The following NQO2 variants were observed in gnomAD, a reference collection of about 807,000 sequenced individuals.
NQO2 encodes ribosyldihydronicotinamide dehydrogenase [quinone].
NQO2 carries 18 observed loss-of-function variants against 22.0 expected under a neutral mutation model. The observed-to-expected ratio is 0.82, with a 90% confidence interval of 0.56 to 1.21. The LOEUF (loss-of-function observed/expected upper bound fraction) is 1.21, where lower values mean the gene tolerates loss of function less well. Ranked by LOEUF, NQO2 falls within the 50% of genes most tolerant of loss-of-function variation. The pLI is 0.00. For missense variants in NQO2, 267 were observed against 286.9 expected (o/e 0.93, Z 0.50); for synonymous variants, 106 against 110.8 (o/e 0.96, Z 0.28).
chr6:3,010,039 A>G lies in NQO2; in HGVS notation c.22A>G (p.Ile8Val). The change falls in exon 3 of 7, where the codon ATT becomes GTT. Residue 8 changes from isoleucine (I) to valine (V), a missense_variant. Coordinates refer to ENST00000380455, the MANE Select transcript of NQO2 (RefSeq NM_000904.6). ...TCCTGATTTAGGTAAGAAAGTACTC[A>G]TTGTCTATGCACACCAGGAACCCAA... MAGKKVL[I>V]VYAHQEPKSF... The G allele has an allele frequency of 6.2e-7, 1 of 1,612,622 alleles. No homozygotes were observed. Among genetic ancestry groups the G allele is most frequent in the South Asian group, 1.1e-5 (1 of 90,908 alleles).
chr6:3,015,378 C>T, intron 4 of NQO2, 152 bp from the exon 5 acceptor site: 1 of 1,462,104 alleles, frequency 6.8e-7, no homozygotes, highest in Non-Finnish European at 9.0e-7. Flanking sequence ...CACACTGCAC[C>T]TTTCAGAGCT....
At chr6:3,017,502 C>G (rs1383719120) in intron 6 of NQO2, among the ~76,000 whole-genome samples, 1 of 152,228 alleles carries the variant, frequency 6.6e-6, no homozygotes, top group African/African-American at 2.4e-5. Context: ...CCTATGGAGC[C>G]AGCACACACC....
At chr6:3,016,664 A>C in intron 5 of NQO2, 600 of 758,914 alleles carry the variant, frequency 7.9e-4, no homozygotes, top group South Asian at 1.0e-3. Flanking sequence ...TGGGCATGTT[A>C]GAGCTTCTGT....
intron 1 of NQO2, chr6:3,002,298 C>A: frequency 1.1e-6 from 1 of 889,560 alleles, no homozygotes. Context: ...TAAATCATTT[C>A]ATATCACTCT....
chr6:3,015,743 A>T lies in NQO2; in HGVS notation c.417+100A>T, dbSNP rs906160041. 15 of 1,177,396 alleles carry T rather than the reference A, an allele frequency of 1.3e-5. No individual in the cohort carries two copies. The African/African-American group carries it at 2.1e-4, about 17-fold the overall frequency. The allele number at this position is 1,177,396 out of a possible 1,614,324, so 72.9% of individuals were successfully genotyped here. A position where few individuals can be genotyped will look rare whatever the true frequency, so the allele number is the denominator to read the frequency against. Reference sequence around the variant, plus strand: ...TATTTCTAGTTTCCTTCCTTTTCTTAGCAAATATCGATTGAGCACCCACTA... The same window carrying T: ...TATTTCTAGTTTCCTTCCTTTTCTTTGCAAATATCGATTGAGCACCCACTA... On this transcript the variant is annotated intron_variant, in intron 5 of 6. Transcript: ENST00000380455.
At position 3,004,373 on chromosome 6, in the gene NQO2, G is replaced by A. The variant is rs1483331076; in HGVS notation, c.-85-2095G>A. ...GATTTGAAGTCACCTTTGGGTGTTT[G>A]GAGTGATCAGAGCTGTCTGCCCTCT... On this transcript the variant is annotated intron_variant, in intron 1 of 6. Transcript: ENST00000380455. 2 of 984,582 alleles carry A rather than the reference G, an allele frequency of 2.0e-6. 1 individual carries two copies. The highest frequency in any genetic ancestry group is 9.4e-5 in the South Asian group (2 of 21,296). 61.0% of individuals were successfully genotyped at this position (984,582 alleles called of 1,614,324 possible). A position where few individuals can be genotyped will look rare whatever the true frequency, so the allele number is the denominator to read the frequency against.
In NQO2 at chr6:3,006,571, C is replaced by G; in HGVS notation, c.7+12C>G. ...TTACGCTATGGCAGGTAATGATTCA[C>G]TATTGTGGAGTAAGACTTTTTTTTT... On this transcript the variant is annotated intron_variant, in intron 2 of 6. Transcript: ENST00000380455. The surrounding 1 kb of genome is among the most constrained non-coding windows in gnomAD (Gnocchi z 4.0). 2 of 1,593,640 alleles carry G rather than the reference C, an allele frequency of 1.3e-6. No homozygotes were observed. The highest frequency in any genetic ancestry group is 1.7e-6 in the Non-Finnish European group (2 of 1,171,870).
intron 5 of NQO2, 61 bp downstream of exon 5, chr6:3,015,704 C>T: frequency 6.8e-7 from 1 of 1,466,756 alleles, no homozygotes. Flanking sequence ...GAGGATGCGT[C>T]TTCTATCAAG....
chr6:3,001,242 A>C (rs2113424261), intron 1 of NQO2, among the ~76,000 whole-genome samples: 1 of 152,084 alleles, frequency 6.6e-6, no homozygotes, highest in African/African-American at 2.4e-5. Context: ...GGTGCGTGCC[A>C]CTACACCCAG....
At position 2,999,941 on chromosome 6, in the gene NQO2, G is replaced by A. The variant is rs1470004745; in HGVS notation, c.-230G>A. ...TGGCACCGGTCCGTGGTCCCCGGGG[G>A]CGCAGTCGCAGCGCTCCCGCCCTCC... On this transcript the variant is annotated 5_prime_UTR_variant, in exon 1 of 7. Transcript: ENST00000380455. 1 of 152,392 alleles carries A rather than the reference G, an allele frequency of 6.6e-6. No individual in the cohort carries two copies. The highest frequency in any genetic ancestry group is 1.5e-5 in the Non-Finnish European group (1 of 68,176). 9.4% of individuals were successfully genotyped at this position (152,392 alleles called of 1,614,324 possible).
intron 2 of NQO2, among the ~76,000 whole-genome samples, chr6:3,009,311 G>A (rs946977325): frequency 3.3e-5 from 5 of 152,188 alleles, no homozygotes; most frequent in African/African-American, 1.2e-4. Context: ...CTGGCTCACC[G>A]GCAGTGAGAG....
At chr6:3,016,581 T>G (rs1178129491) in intron 5 of NQO2, among the ~76,000 whole-genome samples, 1 of 152,162 alleles carries the variant, frequency 6.6e-6, no homozygotes, top group Non-Finnish European at 1.5e-5. Context: ...GCTGGGAACC[T>G]TGTCCTGTGG....
chr6:3,010,297 T>A, intron 3 of NQO2, 108 bp downstream of exon 3: 1 of 968,158 alleles, frequency 1.0e-6, no homozygotes, highest in Non-Finnish European at 1.5e-6. Context: ...CAAGCTAGCT[T>A]CACTTTCCAA....
In NQO2 at chr6:3,015,644, G is replaced by C. The variant is rs1757301400; in HGVS notation, c.417+1G>C. On this transcript the variant is annotated splice_donor_variant, in intron 5 of 6. Coordinates refer to ENST00000380455, the MANE Select transcript of NQO2 (RefSeq NM_000904.6). LOFTEE classifies it high-confidence loss of function. ...ATTCTACGATTCCGGTTTGCTCCAG[G>C]TATGTGCTCTTGGATAAGGATCACT... 6.2e-7 allele frequency: 1 copy of C among 1,613,920 alleles called. No homozygotes were observed. Among genetic ancestry groups the C allele is most frequent in the African/African-American group, 1.3e-5 (1 of 74,910 alleles).
intron 2 of NQO2, among the ~76,000 whole-genome samples, chr6:3,007,916 C>T (rs59805685): frequency 0.037 from 5,677 of 152,334 alleles, 121 homozygotes; most frequent in African/African-American, 0.055. Flanking sequence ...GCATGGAAGA[C>T]TAATTCCAGC....
intron 1 of NQO2, among the ~76,000 whole-genome samples, chr6:3,001,183 G>A (rs28383594): frequency 0.01 from 1,561 of 150,714 alleles, 25 homozygotes; most frequent in African/African-American, 0.036. Context: ...TCTGCCTCCC[G>A]GGTTCAAGCT....
intron 1 of NQO2, chr6:3,002,340 G>C: frequency 5.9e-6 from 4 of 674,262 alleles, no homozygotes; most frequent in Non-Finnish European, 7.3e-6. Flanking sequence ...ACAGAGTCTT[G>C]CTCTGTTGCC....
In NQO2 at chr6:3,006,957, A is replaced by G. The variant is rs902651355; in HGVS notation, c.7+398A>G. On this transcript the variant is annotated intron_variant, in intron 2 of 6. Transcript: ENST00000380455. This position sits in a 1 kb window ranked among gnomAD's most constrained non-coding sequence, Gnocchi z 4.0. ...TTGGGTAAAAATTCAGTACGATTCT[A>G]TCTTTGCTTTTGCAACTGCTTATCA... 7.4e-6 allele frequency: 3 copies of G among 405,718 alleles called. No homozygotes were observed. Among genetic ancestry groups the G allele is most frequent in the Non-Finnish European group, 1.3e-5 (3 of 230,140 alleles). 25.1% of individuals were successfully genotyped at this position (405,718 alleles called of 1,614,324 possible).
At chr6:3,015,161 C>A in intron 4 of NQO2, 1 of 1,306,792 alleles carries the variant, frequency 7.7e-7, no homozygotes, top group Non-Finnish European at 1.0e-6. Flanking sequence ...CAACACACCC[C>A]AGGCAGGCGA....
Sources: allele counts gnomAD v4.1 joint callset (sites outside exome capture counted in the v4.1 genomes callset), GRCh38; gene constraint gnomAD v4.1.1; non-coding constraint Gnocchi (gnomAD v3.1); transcripts MANE v1.5; gene names NCBI Gene and HGNC (gene_info 2026-07-23, HGNC 2026-07-21).